Variants in TENM1 observed in about 807,000 individuals in gnomAD.
TENM1 encodes the protein teneurin-1.
TENM1 carries 35 observed loss-of-function variants against 174.8 expected under a neutral mutation model. The observed-to-expected ratio is 0.20, with a 90% CI of 0.15 to 0.27. The LOEUF (loss-of-function observed/expected upper bound fraction) is 0.27. Ranked by LOEUF, TENM1 falls within the 10% of genes least tolerant of loss-of-function variation. TENM1 has a pLI of 1.00. For synonymous variants in TENM1, 781 were observed against 798.7 expected (o/e 0.98, Z 0.37); for missense variants, 1,633 against 2,130.1 (o/e 0.77, Z 4.59).
At chrX:124,701,644 G>A (rs1276470420) in intron 5 of TENM1, among the ~76,000 whole-genome samples, 1 of 112,334 alleles carries the variant, frequency 8.9e-6, no homozygotes, top group Non-Finnish European at 1.9e-5. Flanking sequence ...ACAGATTTAC[G>A]AGGAAGTGAT....
At chrX:124,427,117 G>A (rs1274639446) in intron 23 of TENM1, among the ~76,000 whole-genome samples, 1 of 112,028 alleles carries the variant, frequency 8.9e-6, no homozygotes, top group African/African-American at 3.3e-5. Flanking sequence ...CATTTTGATT[G>A]AGTCTCAAGT....
At chrX:124,742,373 T>A (rs190890387) in intron 3 of TENM1, among the ~76,000 whole-genome samples, 160 of 110,974 alleles carry the variant, frequency 1.4e-3, no homozygotes, top group African/African-American at 5.0e-3. Context: ...AATCAAAGAA[T>A]CTCTGAAAAA....
At chrX:124,531,475 G>C (rs978495693) in intron 15 of TENM1, among the ~76,000 whole-genome samples, 1 of 111,714 alleles carries the variant, frequency 9.0e-6, no homozygotes, top group East Asian at 2.8e-4. Flanking sequence ...ATGCTAATAG[G>C]ATTTATCCTC....
intron 11 of TENM1, among the ~76,000 whole-genome samples, chrX:124,607,799 C>A (rs183200507): frequency 9.0e-6 from 1 of 111,278 alleles, no homozygotes; most frequent in Non-Finnish European, 1.9e-5. Flanking sequence ...GACCAATTAA[C>A]AGGCTATTGC....
intron 1 of TENM1, among the ~76,000 whole-genome samples, chrX:124,924,408 C>A (rs1036595010): frequency 1.3e-4 from 14 of 111,294 alleles, no homozygotes; most frequent in African/African-American, 4.2e-4. Context: ...TTCACTTTCA[C>A]CTTCTCTTTT....
chrX:124,520,427 T>C (rs1210062273), intron 18 of TENM1, 90 bp downstream of exon 21: 45 of 926,352 alleles, frequency 4.9e-5, no homozygotes, highest in Non-Finnish European at 6.7e-5. Context: ...AGAAAATCAG[T>C]AATTATTCCA....
chrX:124,416,610 T>C (rs983063968), intron 25 of TENM1, among the ~76,000 whole-genome samples: 1 of 112,117 alleles, frequency 8.9e-6, no homozygotes, highest in Non-Finnish European at 1.9e-5. Flanking sequence ...GTCCCTCATG[T>C]GTCACAGCGC....
intron 15 of TENM1, among the ~76,000 whole-genome samples, chrX:124,538,173 T>C (rs1354826662): frequency 8.9e-6 from 1 of 112,160 alleles, no homozygotes; most frequent in Non-Finnish European, 1.9e-5. Flanking sequence ...TTTGAACATG[T>C]GTTTTCTGAA....
chrX:124,570,721 T>C (rs986416772), intron 11 of TENM1, among the ~76,000 whole-genome samples: 2 of 111,810 alleles, frequency 1.8e-5, no homozygotes, highest in Non-Finnish European at 3.8e-5. Flanking sequence ...AACTTGTAAT[T>C]AAAAGGAACT....
the TENM1 span, among the ~76,000 whole-genome samples, chrX:125,063,744 C>T: frequency 9.0e-5 from 10 of 111,379 alleles, no homozygotes; most frequent in Middle Eastern, 9.3e-3. Context: ...TTGTGGAAGT[C>T]GGTGTGGTGA....
chrX:124,456,668 A>T (rs774061921), intron 22 of TENM1, among the ~76,000 whole-genome samples: 99 of 111,981 alleles, frequency 8.8e-4, no homozygotes, highest in Non-Finnish European at 1.2e-3. Context: ...AGAATGAGTG[A>T]AAGGAGGTGA....
chrX:125,198,644 C>T, the TENM1 span, among the ~76,000 whole-genome samples: 4 of 111,461 alleles, frequency 3.6e-5, no homozygotes, highest in South Asian at 1.5e-3. Flanking sequence ...AAATTCAATT[C>T]CCCAGCCTTT....
the TENM1 span, among the ~76,000 whole-genome samples, chrX:125,193,420 TA>T: frequency 8.9e-6 from 1 of 112,003 alleles, no homozygotes; most frequent in Non-Finnish European, 1.9e-5. Context: ...GGGGTCTTGC[TA>T]TGTTGCCCAG....
chrX:124,395,930 A>T (rs769426433), intron 27 of TENM1, among the ~76,000 whole-genome samples: 17 of 112,005 alleles, frequency 1.5e-4, no homozygotes, highest in African/African-American at 5.5e-4. Context: ...TTGTGGTTTT[A>T]TTTGTCTGAT....
the TENM1 span, among the ~76,000 whole-genome samples, chrX:125,130,847 G>T: frequency 1.8e-5 from 2 of 111,751 alleles, no homozygotes; most frequent in African/African-American, 6.5e-5. Flanking sequence ...CAAAGTCCTT[G>T]TTCCCATAGA....
At chrX:124,781,115 A>ACT (rs2054899028) in intron 3 of TENM1, among the ~76,000 whole-genome samples, 1 of 111,924 alleles carries the variant, frequency 8.9e-6, no homozygotes, top group Non-Finnish European at 1.9e-5. Context: ...ACTTATTTCT[A>ACT]ATAAATCCCT....
the TENM1 span, among the ~76,000 whole-genome samples, chrX:125,000,051 T>C: frequency 3.6e-5 from 4 of 111,758 alleles, no homozygotes; most frequent in Non-Finnish European, 7.6e-5. Context: ...ACAAAACCCT[T>C]GTTATTTCTT....
chrX:124,841,127 C>T (rs373568393), intron 3 of TENM1, among the ~76,000 whole-genome samples: 10 of 111,412 alleles, frequency 9.0e-5, no homozygotes, highest in African/African-American at 2.3e-4. Context: ...TCATGTAACT[C>T]GATACTTTTT....
intron 11 of TENM1, among the ~76,000 whole-genome samples, chrX:124,585,449 C>T (rs373449813): frequency 4.5e-5 from 5 of 110,982 alleles, no homozygotes; most frequent in Admixed American, 9.5e-5. Context: ...GGGTACATAA[C>T]GAAATGAAGG....
Sources: gnomAD v4.1 joint callset for allele counts (sites outside exome capture counted in the v4.1 genomes callset) on GRCh38, gnomAD v4.1.1 for gene constraint, MANE v1.5 for transcripts, NCBI Gene and HGNC (gene_info 2026-07-23, HGNC 2026-07-21) for gene names.